Variants in EBF3 observed in about 807,000 individuals in gnomAD.
EBF3 encodes the protein EBF transcription factor 3.
In EBF3, 18 loss-of-function variants were observed where a neutral mutation model predicts 77.1. That is an observed-to-expected ratio of 0.23 (90% CI 0.16 to 0.35). The LOEUF (loss-of-function observed/expected upper bound fraction) is 0.35, where lower values mean the gene tolerates loss of function less well. Among genes scored for constraint, EBF3 ranks in the 10% least tolerant of loss-of-function variants. EBF3 has a pLI of 1.00. For missense variants in EBF3, 558 were observed against 860.0 expected (o/e 0.65, Z 4.39); for synonymous variants, 350 against 343.5 (o/e 1.02, Z -0.21).
At chr10:129,913,182 G>A (rs1204954091) in intron 6 of EBF3, among the ~76,000 whole-genome samples, 4 of 152,212 alleles carry the variant, frequency 2.6e-5, no homozygotes, top group East Asian at 1.9e-4. Context: ...GTTAGGGTCC[G>A]TCTCAGACAC....
At chr10:129,844,650 G>A (rs750261575) in intron 11 of EBF3, among the ~76,000 whole-genome samples, 2 of 151,982 alleles carry the variant, frequency 1.3e-5, no homozygotes, top group Non-Finnish European at 2.9e-5. Flanking sequence ...CGTGCCATAC[G>A]TTCCCAGGAA....
chr10:129,899,657 A>G (rs942343081), intron 6 of EBF3, among the ~76,000 whole-genome samples: 1 of 152,156 alleles, frequency 6.6e-6, no homozygotes, highest in Non-Finnish European at 1.5e-5. Flanking sequence ...GAACTCCTCC[A>G]CAGGTGAGGA....
chr10:129,863,653 G>A lies in EBF3; in HGVS notation c.1039+3488C>T, dbSNP rs978061576. Among the ~76,000 whole-genome samples, 4 of 152,308 alleles carry A rather than the reference G, an allele frequency of 2.6e-5. No homozygotes were observed. The highest frequency in any genetic ancestry group is 4.1e-4 in the South Asian group (2 of 4,832). ...GATGGGAACCAGACGCCCAGGGGAC[G>A]GTGCCTACGTCGTGACATGCAAAGG... On this transcript the variant is annotated intron_variant, in intron 10 of 16. Transcript: ENST00000440978. This position sits in a 1 kb window ranked among gnomAD's most constrained non-coding sequence, Gnocchi z 4.0.
At chr10:129,893,698 C>A (rs372000603) in intron 6 of EBF3, among the ~76,000 whole-genome samples, 1 of 152,224 alleles carries the variant, frequency 6.6e-6, no homozygotes, top group Non-Finnish European at 1.5e-5. Context: ...CTGCAAATCA[C>A]AGCGCACGCA....
At chr10:129,854,367 C>T (rs139750228) in intron 10 of EBF3, among the ~76,000 whole-genome samples, 17 of 152,176 alleles carry the variant, frequency 1.1e-4, no homozygotes, top group African/African-American at 3.4e-4. Flanking sequence ...GAGTTTCAGG[C>T]GGCTGATGGC....
chr10:129,847,775 T>C lies in EBF3; in HGVS notation c.1128+617A>G, dbSNP rs147490115. Among the ~76,000 whole-genome samples the C allele has an allele frequency of 1.2e-3, 179 of 152,366 alleles. 1 individual carries two copies. Among genetic ancestry groups the C allele is most frequent in the African/African-American group, 4.1e-3 (171 of 41,604 alleles). ...TAAGCTTGACTTGTCTTTAATGTTA[T>C]ACATCAAAATGGAATTTCTGTGATA... On this transcript the variant is annotated intron_variant, in intron 11 of 16. Coordinates refer to ENST00000440978, the MANE Select transcript of EBF3 (RefSeq NM_001375380.1).
intron 6 of EBF3, among the ~76,000 whole-genome samples, chr10:129,953,302 G>A (rs916120318): frequency 6.6e-6 from 1 of 152,074 alleles, no homozygotes; most frequent in African/African-American, 2.4e-5. Flanking sequence ...CGTCAATTAC[G>A]CATAAAAATC....
rs1168047382 is a variant in EBF3, at chr10:129,864,235, T to G, written c.1039+2906A>C. Among the ~76,000 whole-genome samples, 1 of 152,054 alleles carries G rather than the reference T, an allele frequency of 6.6e-6. No homozygotes were observed. The highest frequency in any genetic ancestry group is 1.5e-5 in the Non-Finnish European group (1 of 67,998). On this transcript the variant is annotated intron_variant, in intron 10 of 16. Transcript: ENST00000440978. The surrounding 1 kb of genome is among the most constrained non-coding windows in gnomAD (Gnocchi z 4.4). Reference sequence around the variant, plus strand: ...AGACAGGAGAGAGCTGCCCCCTCCCTGCACCAGCCCCAGAGCAGCAAAAGC... The same window carrying G: ...AGACAGGAGAGAGCTGCCCCCTCCCGGCACCAGCCCCAGAGCAGCAAAAGC...
At chr10:129,914,077 T>C (rs1269223415) in intron 6 of EBF3, among the ~76,000 whole-genome samples, 4 of 152,136 alleles carry the variant, frequency 2.6e-5, no homozygotes, top group Non-Finnish European at 5.9e-5. Flanking sequence ...GAGATCCCAA[T>C]GTAAAAATCT....
intron 14 of EBF3, 34 bp from the exon 15 acceptor site, chr10:129,840,476 C>G: frequency 6.5e-7 from 1 of 1,540,694 alleles, no homozygotes; most frequent in Non-Finnish European, 8.8e-7. Flanking sequence ...GCACGCGCGG[C>G]CGCGGCACAG....
intron 6 of EBF3, among the ~76,000 whole-genome samples, chr10:129,933,339 T>C (rs1321532546): frequency 6.6e-6 from 1 of 152,222 alleles, no homozygotes; most frequent in Non-Finnish European, 1.5e-5. Flanking sequence ...GGGGAGCTAA[T>C]TTGGCACCAG....
intron 6 of EBF3, among the ~76,000 whole-genome samples, chr10:129,882,242 T>C (rs561864758): frequency 6.6e-6 from 1 of 152,384 alleles, no homozygotes; most frequent in East Asian, 1.9e-4. Context: ...CATTACATTA[T>C]GAACTGTTTA....
intron 6 of EBF3, among the ~76,000 whole-genome samples, chr10:129,905,368 C>T (rs1289221698): frequency 7.9e-5 from 12 of 151,918 alleles, no homozygotes; most frequent in African/African-American, 2.2e-4. Flanking sequence ...ATATTGACTA[C>T]GTATTGAAAT....
At position 129,870,533 on chromosome 10, in the gene EBF3, G is replaced by A. The variant is rs1852332575; in HGVS notation, c.782-2621C>T. On this transcript the variant is annotated intron_variant, in intron 8 of 16. Coordinates refer to ENST00000440978, the MANE Select transcript of EBF3 (RefSeq NM_001375380.1). This position sits in a 1 kb window ranked among gnomAD's most constrained non-coding sequence, Gnocchi z 4.4. ...CTGCCAGGGTCCAGAGAAAGGAGGC[G>A]TGGCGAGTCTCCCCTGCGGATCTGA... Among the ~76,000 whole-genome samples the A allele has an allele frequency of 6.6e-6, 1 of 152,138 alleles. No individual in the cohort carries two copies. The highest frequency in any genetic ancestry group is 2.1e-4 in the South Asian group (1 of 4,826).
intron 6 of EBF3, among the ~76,000 whole-genome samples, chr10:129,899,557 C>T (rs1854638185): frequency 1.3e-5 from 2 of 152,180 alleles, no homozygotes; most frequent in Admixed American, 1.3e-4. Flanking sequence ...GAGGGAAGCC[C>T]AGGAGGAGAA....
chr10:129,948,259 CAAAAAAA>C (rs71481027), intron 6 of EBF3, among the ~76,000 whole-genome samples: 1 of 45,752 alleles, frequency 2.2e-5, no homozygotes, highest in African/African-American at 9.4e-5. Context: ...AACTCCGTCT[CAAAAAAA>C]AAAAAAAAAA....
chr10:129,838,919 C>T (rs930864560), intron 16 of EBF3, among the ~76,000 whole-genome samples, 164 bp downstream of exon 16: 3 of 152,236 alleles, frequency 2.0e-5, no homozygotes, highest in South Asian at 4.1e-4. Flanking sequence ...GGCCCGACCC[C>T]GTGTCACGGG....
At position 129,963,729 on chromosome 10, in the gene EBF3, T is replaced by A. The variant is rs565435424; in HGVS notation, c.40A>T (p.Thr14Ser). Reference sequence around the variant, plus strand: ...CTGCCCAGCGGCTCCTCCTTCATGGTCGTCCCCCCGCGCGGAATATTCTCC... The same window carrying A: ...CTGCCCAGCGGCTCCTCCTTCATGGACGTCCCCCCGCGCGGAATATTCTCC... ...IQENIPRGGT[T>S]MKEEPLGSGM... Residue 14 changes from threonine (T) to serine (S), a missense_variant, in exon 1 of 17, where the codon ACC (threonine) becomes TCC (serine). Transcript: ENST00000440978. The surrounding 1 kb of genome is among the most constrained non-coding windows in gnomAD (Gnocchi z 7.1). The A allele has an allele frequency of 2.0e-6, 3 of 1,536,338 alleles. No homozygotes were observed. Among genetic ancestry groups the A allele is most frequent in the African/African-American group, 1.4e-5 (1 of 70,256 alleles).
chr10:129,891,733 T>G (rs932066925), intron 6 of EBF3, among the ~76,000 whole-genome samples: 11 of 152,286 alleles, frequency 7.2e-5, no homozygotes, highest in African/African-American at 2.6e-4. Flanking sequence ...TGCCATGTAT[T>G]ACAAGCACAA....
Sources: gnomAD v4.1 joint callset for allele counts (sites outside exome capture counted in the v4.1 genomes callset) on GRCh38, gnomAD v4.1.1 for gene constraint, Gnocchi (gnomAD v3.1) non-coding constraint, MANE v1.5 for transcripts, NCBI Gene and HGNC (gene_info 2026-07-23, HGNC 2026-07-21) for gene names.